The following ASTN1 variants were observed in gnomAD, a reference collection of about 807,000 sequenced individuals.
ASTN1 encodes astrotactin-1.
In ASTN1, 41 loss-of-function variants were observed where a neutral mutation model predicts 140.7. The ratio of observed to expected loss-of-function variants is 0.29; its 90% CI spans 0.23 to 0.38. The LOEUF is 0.38. Ranked by LOEUF, ASTN1 falls within the 10% of genes least tolerant of loss-of-function variation. ASTN1 has a pLI of 1.00. For synonymous variants in ASTN1, 640 were observed against 652.2 expected (o/e 0.98, Z 0.29); for missense variants, 1,479 against 1,678.8 (o/e 0.88, Z 2.08).
chr1:177,049,813 G>A (rs537671279), intron 2 of ASTN1, among the ~76,000 whole-genome samples: 1 of 152,298 alleles, frequency 6.6e-6, no homozygotes, highest in African/African-American at 2.4e-5. Context: ...CCGAACCCAA[G>A]GTGGAGTCCA....
intron 17 of ASTN1, 67 bp downstream of exon 17, chr1:176,894,495 C>G: frequency 6.4e-7 from 1 of 1,564,130 alleles, no homozygotes; most frequent in Non-Finnish European, 8.7e-7. Flanking sequence ...GTCACTTCCT[C>G]ACACCATTTG....
At chr1:177,113,106 A>G (rs1297783335) in intron 1 of ASTN1, among the ~76,000 whole-genome samples, 1 of 152,136 alleles carries the variant, frequency 6.6e-6, no homozygotes, top group Non-Finnish European at 1.5e-5. Context: ...CACACTCGGC[A>G]TCTTCCCAGC....
intron 15 of ASTN1, among the ~76,000 whole-genome samples, chr1:176,935,627 T>C (rs1671408841): frequency 6.6e-6 from 1 of 152,160 alleles, no homozygotes; most frequent in African/African-American, 2.4e-5. Context: ...CCTCTACCAT[T>C]TATCTTCCTC....
chr1:176,906,891 T>C (rs1168610757), intron 16 of ASTN1, among the ~76,000 whole-genome samples: 1 of 145,404 alleles, frequency 6.9e-6, no homozygotes, highest in African/African-American at 2.6e-5. Context: ...GTGGGGGAGG[T>C]AGGCTAAAGG....
At chr1:176,860,645 T>G (rs1301949258), downstream of ASTN1, among the ~76,000 whole-genome samples, 1 of 152,224 alleles carries the variant, frequency 6.6e-6, no homozygotes, top group Admixed American at 6.5e-5. Flanking sequence ...GGCCAAAGTA[T>G]AAATTTCAGC....
chr1:176,946,605 A>G (rs530504159), intron 12 of ASTN1, among the ~76,000 whole-genome samples: 16 of 152,224 alleles, frequency 1.1e-4, no homozygotes, highest in Non-Finnish European at 2.1e-4. Context: ...TGATAAGTCA[A>G]CTAAGAAATT....
At chr1:176,868,460 T>C (rs1043039883) in intron 22 of ASTN1, among the ~76,000 whole-genome samples, 1 of 152,200 alleles carries the variant, frequency 6.6e-6, no homozygotes, top group Non-Finnish European at 1.5e-5. Context: ...GGATGTAACA[T>C]ATGAAAAACC....
In ASTN1 at chr1:177,164,461, G is replaced by A. The variant is rs752233726; in HGVS notation, c.216C>T (p.Asn72=). The A allele has an allele frequency of 2.0e-5, 32 of 1,613,718 alleles. No individual in the cohort carries two copies. Among genetic ancestry groups the A allele is most frequent in the South Asian group, 1.8e-4 (16 of 91,048 alleles). ...SEPKLLFSVR[N]DFPGEMVVVD... ...CCACGACCATTTCTCCCGGGAAGTC[G>A]TTGCGCACCGAGAAGAGGAGCTTGG... The change falls in exon 1 of 23, where the codon AAC becomes AAT. Residue 72 remains asparagine, a synonymous_variant. Coordinates refer to ENST00000361833, the MANE Select transcript of ASTN1 (RefSeq NM_004319.3).
intron 1 of ASTN1, among the ~76,000 whole-genome samples, chr1:177,136,363 T>TG (rs200793496): frequency 0.16 from 24,054 of 151,008 alleles, 3,983 homozygotes; most frequent in African/African-American, 0.42. Flanking sequence ...CCTTTTTTTT[T>TG]TTTTTTTGAG....
At chr1:177,152,039 T>C (rs1167408771) in intron 1 of ASTN1, among the ~76,000 whole-genome samples, 1 of 152,062 alleles carries the variant, frequency 6.6e-6, no homozygotes, top group African/African-American at 2.4e-5. Flanking sequence ...ATGGGAAAGA[T>C]AATAAGGTCA....
Position 177,032,485 on chromosome 1 carries a change from T to A in ASTN1, c.836A>T (p.Asn279Ile). The change falls in exon 3 of 23, where the codon AAT becomes ATT. Residue 279 changes from asparagine (N) to isoleucine (I), a missense_variant. Transcript: ENST00000361833. ...TRTLDSLQGCNEKSGMDLTPG... is the reference protein window; with the variant it reads ...TRTLDSLQGCIEKSGMDLTPG... The stretch of plus-strand genomic sequence containing the variant: ...TGTGAGGTCCATCCCCGACTTTTCA[T>A]TGCAGCCCTGCAGGGAGTCGAGGGT... 1 of 1,614,058 alleles carries A rather than the reference T, an allele frequency of 6.2e-7. No homozygotes were observed. Among genetic ancestry groups the A allele is most frequent in the African/African-American group, 1.3e-5 (1 of 75,036 alleles).
intron 1 of ASTN1, among the ~76,000 whole-genome samples, chr1:177,130,833 T>C (rs1488829236): frequency 1.3e-5 from 2 of 152,228 alleles, no homozygotes; most frequent in Non-Finnish European, 2.9e-5. Context: ...AGGTTACCAT[T>C]AGCTCCTGGC....
At chr1:177,090,862 C>T (rs148587296) in intron 1 of ASTN1, among the ~76,000 whole-genome samples, 10 of 150,176 alleles carry the variant, frequency 6.7e-5, no homozygotes, top group Non-Finnish European at 8.9e-5. Context: ...TAGTTCATTC[C>T]GTTGTTCCTT....
At chr1:177,027,002 A>C (rs1178966880) in intron 5 of ASTN1, among the ~76,000 whole-genome samples, 2 of 152,122 alleles carry the variant, frequency 1.3e-5, no homozygotes, top group Non-Finnish European at 2.9e-5. Flanking sequence ...CTGATCTTCT[A>C]ACATTATTTC....
At chr1:176,907,747 G>A (rs1378673819) in intron 16 of ASTN1, among the ~76,000 whole-genome samples, 3 of 152,154 alleles carry the variant, frequency 2.0e-5, no homozygotes, top group Admixed American at 6.5e-5. Flanking sequence ...CAGAACACAG[G>A]GAGGGGCAGA....
chr1:177,146,152 T>C (rs1682711449), intron 1 of ASTN1, among the ~76,000 whole-genome samples: 1 of 152,106 alleles, frequency 6.6e-6, no homozygotes, highest in South Asian at 2.1e-4. Flanking sequence ...AATAACAGTG[T>C]CCAACTTTTT....
downstream of ASTN1, among the ~76,000 whole-genome samples, chr1:176,858,984 A>G (rs1400107017): frequency 6.6e-6 from 1 of 152,212 alleles, no homozygotes; most frequent in Non-Finnish European, 1.5e-5. Flanking sequence ...CTTTCTTAAG[A>G]GTATTTACTT....
chr1:177,029,219 A>G (rs1370777650), intron 5 of ASTN1: 2 of 432,624 alleles, frequency 4.6e-6, no homozygotes, highest in African/African-American at 2.1e-5. Flanking sequence ...ACTGCCCCCA[A>G]TCCTTGCCTA....
intron 17 of ASTN1, 109 bp from the exon 18 acceptor site, chr1:176,888,313 A>G: frequency 7.5e-7 from 1 of 1,328,644 alleles, no homozygotes; most frequent in Non-Finnish European, 1.0e-6. Flanking sequence ...TACTTCCAGC[A>G]GCAGGTTGTG....
Sources: gnomAD v4.1 joint callset for allele counts (sites outside exome capture counted in the v4.1 genomes callset) on GRCh38, gnomAD v4.1.1 for gene constraint, MANE v1.5 for transcripts, NCBI Gene and HGNC (gene_info 2026-07-23, HGNC 2026-07-21) for gene names.